The following RBFOX1 variants were observed in gnomAD, a reference collection of about 807,000 sequenced individuals.
RBFOX1 encodes the protein RNA binding fox-1 homolog 1.
In RBFOX1, 8 loss-of-function variants were observed where a neutral mutation model predicts 57.7. The observed-to-expected ratio is 0.14, with a 90% CI of 0.08 to 0.25. RBFOX1 has a LOEUF of 0.25. Among genes scored for constraint, RBFOX1 ranks in the 10% least tolerant of loss-of-function variants. The pLI is 1.00. For synonymous variants in RBFOX1, 326 were observed against 222.4 expected, an observed-to-expected ratio of 1.47 and a Z score of -4.15; for missense variants, 611 against 548.5, an observed-to-expected ratio of 1.11 and a Z score of -1.14.
At chr16:6,961,638 C>T (rs1158125266) in intron 3 of RBFOX1, among the ~76,000 whole-genome samples, 2 of 152,090 alleles carry the variant, frequency 1.3e-5, no homozygotes, top group Non-Finnish European at 2.9e-5. Flanking sequence ...TGATTATATG[C>T]TAAACAAGGG....
intron 3 of RBFOX1, among the ~76,000 whole-genome samples, chr16:5,800,303 C>T (rs551799219): frequency 6.6e-5 from 10 of 152,250 alleles, no homozygotes; most frequent in African/African-American, 1.7e-4. Flanking sequence ...TAGTCCATTT[C>T]GTTACTCATG....
intron 1 of RBFOX1, among the ~76,000 whole-genome samples, chr16:5,256,137 G>A (rs1181168776): frequency 6.6e-6 from 1 of 152,206 alleles, no homozygotes; most frequent in African/African-American, 2.4e-5. Context: ...GAAGGGCAGA[G>A]AGCCATGGAG....
chr16:5,569,438 C>CTTTTTTTTTTTTTTTTTTTTTTTTTTT lies in RBFOX1; in HGVS notation c.259-29461_259-29435dup, dbSNP rs796279138. Among the ~76,000 whole-genome samples the CTTTTTTTTTTTTTTTTTTTTTTTTTTT allele has an allele frequency of 2.6e-4, 13 of 49,208 alleles. 1 individual carries two copies. The highest frequency in any genetic ancestry group is 4.0e-4 in the Non-Finnish European group (10 of 25,006). The allele number at this position is 49,208 out of a possible 152,430, so 32.3% of individuals were successfully genotyped here. A position where few individuals can be genotyped will look rare whatever the true frequency, so the allele number is the denominator to read the frequency against. On this transcript the variant is annotated intron_variant, in intron 2 of 2. Transcript: ENST00000585867. ...GTAAGGGTTAATGATAAGAAGTAACCTTTTTTTTTTTTTTTTTTTTTTTTT... is the reference window on the plus strand; with the variant it reads ...GTAAGGGTTAATGATAAGAAGTAACCTTTTTTTTTTTTTTTTTTTTTTTTTTTTTTTTTTTTTTTTTTTTTTTTTTTT...
At chr16:7,475,065 CTT>C (rs1322007383) in intron 4 of RBFOX1, among the ~76,000 whole-genome samples, 1 of 152,158 alleles carries the variant, frequency 6.6e-6, no homozygotes, top group African/African-American at 2.4e-5. Context: ...ATCAGAGAGT[CTT>C]TGAGAGTTCA....
chr16:6,266,487 G>A (rs1031461404), intron 1 of RBFOX1, among the ~76,000 whole-genome samples: 1 of 152,096 alleles, frequency 6.6e-6, no homozygotes, highest in Non-Finnish European at 1.5e-5. Context: ...GCCTAGGCAG[G>A]CAGATCACTT....
chr16:7,507,128 T>C (rs998498188), intron 4 of RBFOX1, among the ~76,000 whole-genome samples: 1 of 152,348 alleles, frequency 6.6e-6, no homozygotes, highest in East Asian at 1.9e-4. Context: ...TCTTGATGCC[T>C]CAATATTTGA....
intron 4 of RBFOX1, among the ~76,000 whole-genome samples, chr16:7,466,359 G>A (rs1029358062): frequency 6.6e-6 from 1 of 152,136 alleles, no homozygotes; most frequent in Admixed American, 6.5e-5. Flanking sequence ...TGCCAAGCTA[G>A]CGCTTCTAAC....
intron 14 of RBFOX1, among the ~76,000 whole-genome samples, chr16:7,700,203 C>G (rs1159308395): frequency 6.6e-6 from 1 of 152,134 alleles, no homozygotes; most frequent in Non-Finnish European, 1.5e-5. Context: ...GGGAAGCTCA[C>G]TGATCCCACA....
In RBFOX1 at chr16:6,824,983, G is replaced by GTTTTTTTTTTTTTTTTT. The variant is rs151177772; in HGVS notation, c.-16+170348_-16+170364dup. Reference sequence around the variant, plus strand: ...GGATTTCTTTTTTCTTTCTTTCTTGGTTTTTTTTTTTTTTTTTTTTTTTTT... The same window carrying GTTTTTTTTTTTTTTTTT: ...GGATTTCTTTTTTCTTTCTTTCTTGGTTTTTTTTTTTTTTTTTTTTTTTTTTTTTTTTTTTTTTTTTT... On this transcript the variant is annotated intron_variant, in intron 3 of 15. Coordinates refer to ENST00000550418, the MANE Select transcript of RBFOX1 (RefSeq NM_018723.4). 2.8e-3 allele frequency among the ~76,000 whole-genome samples: 103 copies of GTTTTTTTTTTTTTTTTT among 36,910 alleles called. 23 individuals are homozygous for GTTTTTTTTTTTTTTTTT. Among genetic ancestry groups the GTTTTTTTTTTTTTTTTT allele is most frequent in the Non-Finnish European group, 4.6e-3 (78 of 16,930 alleles). The allele number at this position is 36,910 out of a possible 152,430, so 24.2% of individuals were successfully genotyped here. A position where few individuals can be genotyped will look rare whatever the true frequency, so the allele number is the denominator to read the frequency against.
In RBFOX1 at chr16:6,476,734, C is replaced by T. The variant is rs576155383; in HGVS notation, c.-64+159677C>T. On this transcript the variant is annotated intron_variant, in intron 2 of 15. Transcript: ENST00000550418. The stretch of plus-strand genomic sequence containing the variant: ...AAAATGAGGAAACAGTGAAGTTTAT[C>T]ACATGGATTGATTCTTCCTTTCATG... Among the ~76,000 whole-genome samples, 171 of 152,240 alleles carry T rather than the reference C, an allele frequency of 1.1e-3. 1 individual carries two copies. Among genetic ancestry groups the T allele is most frequent in the African/African-American group, 3.9e-3 (162 of 41,542 alleles).
At chr16:7,370,170 C>A (rs2097540825) in intron 4 of RBFOX1, among the ~76,000 whole-genome samples, 1 of 152,164 alleles carries the variant, frequency 6.6e-6, no homozygotes, top group African/African-American at 2.4e-5. Flanking sequence ...ACCAGTAGCA[C>A]CCCTTCCCTC....
At chr16:7,438,411 G>A (rs1456620401) in intron 4 of RBFOX1, among the ~76,000 whole-genome samples, 1 of 152,058 alleles carries the variant, frequency 6.6e-6, no homozygotes, top group African/African-American at 2.4e-5. Flanking sequence ...ATTAAATTCA[G>A]ATTAGCCGTT....
At chr16:5,271,384 T>TAC (rs1445438073) in intron 1 of RBFOX1, among the ~76,000 whole-genome samples, 4 of 152,108 alleles carry the variant, frequency 2.6e-5, no homozygotes, top group Admixed American at 2.6e-4. Flanking sequence ...CACATACACA[T>TAC]ACATACATAC....
At chr16:5,462,539 A>G (rs577772719) in intron 1 of RBFOX1, among the ~76,000 whole-genome samples, 2 of 152,288 alleles carry the variant, frequency 1.3e-5, no homozygotes, top group African/African-American at 4.8e-5. Context: ...CAATAACTCA[A>G]GTTTTACCAG....
intron 1 of RBFOX1, among the ~76,000 whole-genome samples, chr16:6,315,543 G>GGATT (rs60916341): frequency 0.18 from 18,225 of 102,870 alleles, 1,376 homozygotes; most frequent in South Asian, 0.3. Flanking sequence ...ATGGATGGAT[G>GGATT]GATGGATGGA....
intron 4 of RBFOX1, among the ~76,000 whole-genome samples, chr16:5,990,928 C>G (rs2060382035): frequency 6.6e-6 from 1 of 152,130 alleles, no homozygotes; most frequent in Admixed American, 6.6e-5. Flanking sequence ...GAGATGAGCA[C>G]ACACCACTGA....
intron 2 of RBFOX1, among the ~76,000 whole-genome samples, chr16:5,576,891 A>C (rs2151145880): frequency 6.6e-6 from 1 of 152,364 alleles, no homozygotes; most frequent in African/African-American, 2.4e-5. Flanking sequence ...TTGGATGCTG[A>C]GGAGTTATTA....
chr16:7,109,470 A>T (rs926107012), intron 4 of RBFOX1, among the ~76,000 whole-genome samples: 2 of 152,092 alleles, frequency 1.3e-5, no homozygotes, highest in African/African-American at 4.8e-5. Context: ...GGATGTATGG[A>T]AGGAAGGTGG....
intron 3 of RBFOX1, among the ~76,000 whole-genome samples, chr16:6,899,561 C>T (rs1248370793): frequency 1.3e-5 from 2 of 152,144 alleles, no homozygotes; most frequent in Non-Finnish European, 2.9e-5. Context: ...ATTACAACTC[C>T]ATCTCTCACC....
Sources: gnomAD v4.1 joint callset for allele counts (sites outside exome capture counted in the v4.1 genomes callset) on GRCh38, gnomAD v4.1.1 for gene constraint, MANE v1.5 for transcripts, NCBI Gene and HGNC (gene_info 2026-07-23, HGNC 2026-07-21) for gene names.